Variants in LRP2 observed in about 807,000 individuals in gnomAD.
LRP2 encodes the protein LDL receptor related protein 2.
A neutral mutation model predicts 531.0 loss-of-function variants in LRP2; 172 were observed. That is an observed-to-expected ratio of 0.32 (90% CI 0.29 to 0.37). The LOEUF (loss-of-function observed/expected upper bound fraction) is 0.37, where lower values mean the gene tolerates loss of function less well. LRP2 is among the 10% of genes least tolerant of loss of function. The pLI is 1.00. For synonymous variants in LRP2, 1,992 were observed against 2,027.6 expected, an observed-to-expected ratio of 0.98 and a Z score of 0.47; for missense variants, 5,167 against 5,868.3, an observed-to-expected ratio of 0.88 and a Z score of 3.90.
At chr2:169,179,220 T>C (rs1464865534) in intron 52 of LRP2, among the ~76,000 whole-genome samples, 2 of 152,096 alleles carry the variant, frequency 1.3e-5, no homozygotes, top group Non-Finnish European at 2.9e-5. Context: ...TTGCCCAAGC[T>C]GGTCTTGAAC....
At chr2:169,232,570 A>G (rs1300519201) in intron 30 of LRP2, among the ~76,000 whole-genome samples, 4 of 152,216 alleles carry the variant, frequency 2.6e-5, no homozygotes, top group African/African-American at 9.6e-5. Context: ...GTTTCAGAAC[A>G]TGAGGGTAAA....
At chr2:169,174,296 G>T in intron 55 of LRP2, 132 bp from the exon 56 acceptor site, 1 of 1,065,182 alleles carries the variant, frequency 9.4e-7, no homozygotes, top group Non-Finnish European at 1.4e-6. Context: ...GTACTTATCA[G>T]TCAGTACTAC....
chr2:169,361,933 G>A (rs994090560), intron 1 of LRP2, among the ~76,000 whole-genome samples: 26 of 152,212 alleles, frequency 1.7e-4, no homozygotes, highest in Non-Finnish European at 3.2e-4. Flanking sequence ...TCTGAGCAGA[G>A]CCCGGGACCG....
intron 7 of LRP2, 127 bp from the exon 8 acceptor site, chr2:169,291,124 C>T: frequency 1.2e-6 from 1 of 809,960 alleles, no homozygotes; most frequent in Non-Finnish European, 2.0e-6. Flanking sequence ...CTACATTTTA[C>T]AATAAGTTAG....
chr2:169,203,898 TC>T (rs1194328566), intron 42 of LRP2, 83 bp downstream of exon 42: 1 of 1,454,674 alleles, frequency 6.9e-7, no homozygotes, highest in African/African-American at 1.4e-5. Context: ...GAATTTTTTC[TC>T]CTGTGAGAAC....
chr2:169,139,607 A>G lies in LRP2; in HGVS notation c.13203T>C (p.Cys4401=). The change falls in exon 73 of 79, where the codon TGT becomes TGC. Residue 4401 remains cysteine (C), a synonymous_variant. Coordinates refer to ENST00000649046, the MANE Select transcript of LRP2 (RefSeq NM_004525.3). The stretch of plus-strand genomic sequence containing the variant: ...AATATTTTCCGGTGTAGCCGCTAGG[A>G]CACCTGAAAGGAAAAAGCAAATCAT... ...FDETDLPKCK[C]PSGYTGKYCE... 1.2e-6 allele frequency: 2 copies of G among 1,614,190 alleles called. No individual in the cohort carries two copies.
chr2:169,165,952 G>T lies in LRP2; in HGVS notation c.11738C>A (p.Thr3913Asn), dbSNP rs749328024. Residue 3913 changes from threonine to asparagine, a missense_variant, in exon 62 of 79, where the codon ACT becomes AAT. By Grantham distance (65) the Thr-to-Asn change is moderately conservative. This residue lies in a region of LRP2 where 564 missense variants were observed against 747.7 expected (regional missense o/e 0.75). Transcript: ENST00000649046. ...CTTACAGTGCTCCTCTGTCTCATCA[G>T]TTCCATCTCCACAGTCATCCACACC... ...CNGVDDCGDG[T>N]DETEEHCRKP... is the part of the protein sequence containing the mutation. 3 of 1,614,006 alleles carry T rather than the reference G, an allele frequency of 1.9e-6. No individual in the cohort carries two copies. Among genetic ancestry groups the T allele is most frequent in the Non-Finnish European group, 2.5e-6 (3 of 1,179,952 alleles).
Position 169,251,473 on chromosome 2 carries a change from T to C in LRP2, c.2771-3958A>G, listed in dbSNP as rs1299272840. 9.8e-3 allele frequency among the ~76,000 whole-genome samples: 43 copies of C among 4,380 alleles called. 1 individual carries two copies. The highest frequency in any genetic ancestry group is 2.5e-3 in the Non-Finnish European group (6 of 2,356). The allele number at this position is 4,380 out of a possible 152,430, so 2.9% of individuals were successfully genotyped here. A position where few individuals can be genotyped will look rare whatever the true frequency, so the allele number is the denominator to read the frequency against. Reference sequence around the variant, plus strand: ...CAAAGACACCACATACCAGAATCTCTGGGACGCATTCAAAGCAGTGTGTAG... The same window carrying C: ...CAAAGACACCACATACCAGAATCTCCGGGACGCATTCAAAGCAGTGTGTAG... On this transcript the variant is annotated intron_variant, in intron 19 of 78. Transcript: ENST00000649046.
chr2:169,260,005 T>C (rs1389159637), intron 16 of LRP2, among the ~76,000 whole-genome samples: 2 of 152,118 alleles, frequency 1.3e-5, no homozygotes, highest in African/African-American at 4.8e-5. Context: ...ACAGCTTAGA[T>C]TAAATGAGCA....
intron 1 of LRP2, among the ~76,000 whole-genome samples, chr2:169,346,931 T>C (rs1685711632): frequency 6.6e-6 from 1 of 152,214 alleles, no homozygotes; most frequent in South Asian, 2.1e-4. Context: ...TTTTAAGTTC[T>C]ATCTTTGAGG....
intron 1 of LRP2, among the ~76,000 whole-genome samples, chr2:169,325,013 G>A (rs1685010107): frequency 7.3e-6 from 1 of 136,652 alleles, no homozygotes; most frequent in Admixed American, 7.4e-5. Flanking sequence ...AAGAAAAATG[G>A]AATCTGGAAT....
chr2:169,238,290 A>G lies in LRP2; in HGVS notation c.4307T>C (p.Leu1436Pro). 1 of 1,613,774 alleles carries G rather than the reference A, an allele frequency of 6.2e-7. No homozygotes were observed. The highest frequency in any genetic ancestry group is 8.5e-7 in the Non-Finnish European group (1 of 1,179,638). Residue 1436 changes from leucine (L) to proline (P), a missense_variant, in exon 27 of 79, where the codon CTG becomes CCG. Physicochemically the swap from Leu to Pro is moderately conservative, Grantham distance 98 (BLOSUM62 -3). This residue lies in a region of LRP2 where 2,811 missense variants were observed against 3,058.0 expected (regional missense o/e 0.92). Coordinates refer to ENST00000649046, the MANE Select transcript of LRP2 (RefSeq NM_004525.3). Reference sequence around the variant, plus strand: ...GTTCTGACTTGCCACAAGTAACAGCAGACTCTCAGATGCTGTTCAAGAAAA... The same window carrying G: ...GTTCTGACTTGCCACAAGTAACAGCGGACTCTCAGATGCTGTTCAAGAAAA... ...RTCKVTASES[L>P]LLLVASQNKI... is the part of the protein sequence containing the mutation.
At position 169,308,615 on chromosome 2, in the gene LRP2, T is replaced by C. The variant is rs935188010; in HGVS notation, c.311-1218A>G. Among the ~76,000 whole-genome samples, 19 of 152,214 alleles carry C rather than the reference T, an allele frequency of 1.2e-4. 1 individual carries two copies. Among genetic ancestry groups the C allele is most frequent in the Non-Finnish European group, 2.6e-4 (18 of 68,038 alleles). On this transcript the variant is annotated intron_variant, in intron 3 of 78. Transcript: ENST00000649046. ...TATGTGCCACATTTTCTTAATCCAG[T>C]GTATCATTGATGGACTTTTGGGTTG...
chr2:169,152,991 T>G, intron 66 of LRP2, 27 bp from the exon 67 acceptor site: 3 of 1,611,248 alleles, frequency 1.9e-6, no homozygotes, highest in Non-Finnish European at 1.7e-6. Flanking sequence ...ACAGGTCAGT[T>G]TCATGTCAAG....
intron 54 of LRP2, among the ~76,000 whole-genome samples, chr2:169,175,929 G>A (rs1000462090): frequency 6.6e-6 from 1 of 152,140 alleles, no homozygotes; most frequent in African/African-American, 2.4e-5. Context: ...AGTTATCAAT[G>A]GGCCTGTGGA....
At position 169,145,817 on chromosome 2, in the gene LRP2, C is replaced by G. The variant is rs764980573; in HGVS notation, c.12918G>C (p.Glu4306Asp). 1.2e-6 allele frequency: 2 copies of G among 1,614,174 alleles called. No homozygotes were observed. The highest frequency in any genetic ancestry group is 4.5e-5 in the East Asian group (2 of 44,874). Reference protein sequence around the residue: ...KQNKFGQGKKEKTLVVNPWLT... With the variant: ...KQNKFGQGKKDKTLVVNPWLT... ...GCCAAGGGTTCACTACCAGCGTTTT[C>G]TCTTTCTTTCCTTGCCCAAATTTAT... is the stretch of plus-strand genomic sequence containing the variant. The change falls in exon 70 of 79, where the codon GAG becomes GAC. Residue 4306 changes from glutamate (E) to aspartate (D), a missense_variant. Transcript: ENST00000649046.
At chr2:169,295,919 C>A (rs1684124567) in intron 4 of LRP2, among the ~76,000 whole-genome samples, 1 of 152,070 alleles carries the variant, frequency 6.6e-6, no homozygotes, top group South Asian at 2.1e-4. Context: ...CTTCTGATTT[C>A]TTTTTAACCA....
chr2:169,355,398 T>C (rs1345095264), intron 1 of LRP2, among the ~76,000 whole-genome samples: 1 of 152,180 alleles, frequency 6.6e-6, no homozygotes, highest in East Asian at 1.9e-4. Context: ...CACCTGTTAT[T>C]TTTGCATCCC....
intron 3 of LRP2, among the ~76,000 whole-genome samples, chr2:169,308,681 A>G (rs1383962167): frequency 1.3e-5 from 2 of 152,182 alleles, no homozygotes; most frequent in Non-Finnish European, 2.9e-5. Context: ...CACAAAAAAC[A>G]TATGTGTGCA....
Sources: allele counts gnomAD v4.1 joint callset (sites outside exome capture counted in the v4.1 genomes callset), GRCh38; gene constraint gnomAD v4.1.1; regional missense constraint gnomAD v4.1.1; transcripts MANE v1.5; gene names NCBI Gene and HGNC (gene_info 2026-07-23, HGNC 2026-07-21).